CACNA1A: variants seen among roughly 807,000 people sequenced by gnomAD.
The protein encoded by CACNA1A is calcium voltage-gated channel subunit alpha1 A, also known as voltage-dependent P/Q-type calcium channel subunit alpha-1A.
A neutral mutation model predicts 262.4 loss-of-function variants in CACNA1A; 57 were observed. The ratio of observed to expected loss-of-function variants is 0.22; its 90% CI spans 0.18 to 0.27. CACNA1A has a LOEUF of 0.27. Among genes scored for constraint, CACNA1A ranks in the 10% least tolerant of loss-of-function variants. The probability of loss-of-function intolerance (pLI) is 1.00; values close to 1 mark genes in which losing one functional copy is unlikely to be tolerated. For missense variants in CACNA1A, 2,526 were observed against 3,562.8 expected (o/e 0.71, Z 7.41); for synonymous variants, 1,431 against 1,419.3 (o/e 1.01, Z -0.18).
At chr19:13,464,749 C>T (rs377510845) in intron 1 of CACNA1A, among the ~76,000 whole-genome samples, 330 of 151,718 alleles carry the variant, frequency 2.2e-3, no homozygotes, top group Middle Eastern at 0.014. Context: ...GGGGTTTCAC[C>T]GTGTTAGCCA....
chr19:13,207,795 C>T lies in CACNA1A; in HGVS notation c.7039G>A (p.Glu2347Lys), dbSNP rs1050540062. 1.7e-5 allele frequency: 24 copies of T among 1,404,282 alleles called. No individual in the cohort carries two copies. The highest frequency in any genetic ancestry group is 3.0e-5 in the East Asian group (1 of 33,162). 87.0% of individuals were successfully genotyped at this position (1,404,282 alleles called of 1,614,324 possible). ...GGCGGCCGATCTCCGGCCAGAGGCT[C>T]GGCCGTGGGGCCTGGGTACCTCCGA... is the stretch of plus-strand genomic sequence containing the variant. ...GPRRYPGPTA[E>K]PLAGDRPPTG... Residue 2347 changes from glutamate to lysine, a missense_variant, in exon 47 of 47, where the codon GAG (glutamate) becomes AAG (lysine). Physicochemically the swap from Glu to Lys is moderately conservative, Grantham distance 56. Around this residue, in one of 17 missense-constraint regions of CACNA1A, gnomAD observed 929 missense variants for 868.1 expected, o/e 1.07. Transcript: ENST00000360228. The surrounding 1 kb of genome is among the most constrained non-coding windows in gnomAD (Gnocchi z 5.7).
intron 3 of CACNA1A, among the ~76,000 whole-genome samples, chr19:13,434,829 G>A (rs568177252): frequency 5.3e-5 from 8 of 150,422 alleles, no homozygotes; most frequent in Middle Eastern, 6.8e-3. Flanking sequence ...TCACTCTGTC[G>A]CCCAGGCTGG....
intron 3 of CACNA1A, among the ~76,000 whole-genome samples, chr19:13,386,503 C>T (rs2059616719): frequency 6.6e-6 from 1 of 151,822 alleles, no homozygotes; most frequent in South Asian, 2.1e-4. Context: ...CTGAGGCAGT[C>T]ATCGGCCGGG....
chr19:13,234,380 C>CT (rs1190435317), intron 34 of CACNA1A, among the ~76,000 whole-genome samples: 1 of 149,008 alleles, frequency 6.7e-6, no homozygotes, highest in Admixed American at 6.7e-5. Flanking sequence ...AAAAAAGCCC[C>CT]CCCAAAAAAC....
At chr19:13,441,898 G>C (rs890744501) in intron 3 of CACNA1A, among the ~76,000 whole-genome samples, 1 of 152,154 alleles carries the variant, frequency 6.6e-6, no homozygotes, top group East Asian at 1.9e-4. Flanking sequence ...CAAACCTGCG[G>C]AGAGATGGAT....
chr19:13,390,194 G>A (rs761973739), intron 3 of CACNA1A, among the ~76,000 whole-genome samples: 1 of 151,596 alleles, frequency 6.6e-6, no homozygotes, highest in Admixed American at 6.6e-5. Flanking sequence ...ATAGTTCACT[G>A]CAGCCTCAAA....
intron 3 of CACNA1A, among the ~76,000 whole-genome samples, chr19:13,418,753 A>C (rs2060267778): frequency 6.6e-6 from 1 of 152,254 alleles, no homozygotes; most frequent in East Asian, 1.9e-4. Flanking sequence ...CCTTGTTTGA[A>C]GCCGTGTGGT....
chr19:13,438,513 G>C (rs1044594409), intron 3 of CACNA1A, among the ~76,000 whole-genome samples: 1 of 152,378 alleles, frequency 6.6e-6, no homozygotes, highest in Middle Eastern at 3.4e-3. Context: ...GCTGGAGGGT[G>C]AAAGACCATA....
intron 20 of CACNA1A, 25 bp from the exon 21 acceptor site, chr19:13,285,231 G>C (rs761469997): frequency 3.7e-6 from 6 of 1,612,872 alleles, no homozygotes; most frequent in African/African-American, 1.3e-5. Flanking sequence ...ACCAACACAG[G>C]GCTCCCTCCA....
intron 1 of CACNA1A, among the ~76,000 whole-genome samples, chr19:13,488,657 C>T (rs1335996670): frequency 6.6e-6 from 1 of 151,998 alleles, no homozygotes; most frequent in African/African-American, 2.4e-5. Context: ...GCCTTGGCCT[C>T]TTAAAGTGCT....
intron 30 of CACNA1A, among the ~76,000 whole-genome samples, chr19:13,252,081 T>A (rs889572678): frequency 6.6e-6 from 1 of 151,822 alleles, no homozygotes; most frequent in African/African-American, 2.4e-5. Context: ...GTTTGTTTTT[T>A]AAAGATGGAG....
intron 24 of CACNA1A, chr19:13,272,003 T>G (rs2057033772): frequency 6.6e-6 from 1 of 152,254 alleles, no homozygotes; most frequent in East Asian, 1.9e-4. Flanking sequence ...AGGCTGGTCT[T>G]GAACTCCTGA....
chr19:13,413,208 A>T (rs1319567117), intron 3 of CACNA1A, among the ~76,000 whole-genome samples: 2 of 150,442 alleles, frequency 1.3e-5, no homozygotes, highest in East Asian at 2.0e-4. Context: ...CCAGGTTCAC[A>T]CCATTCTCCT....
At chr19:13,384,191 T>C (rs1463227719) in intron 3 of CACNA1A, among the ~76,000 whole-genome samples, 1 of 152,150 alleles carries the variant, frequency 6.6e-6, no homozygotes, top group Admixed American at 6.6e-5. Context: ...GGGGCTTTTT[T>C]TGTATAGCAT....
At chr19:13,372,504 G>A (rs989249016) in intron 3 of CACNA1A, among the ~76,000 whole-genome samples, 1 of 152,154 alleles carries the variant, frequency 6.6e-6, no homozygotes, top group African/African-American at 2.4e-5. Context: ...TGGCAGGAAA[G>A]TAGTTCAGTG....
intron 1 of CACNA1A, among the ~76,000 whole-genome samples, chr19:13,504,359 T>G (rs1045308186): frequency 6.6e-6 from 1 of 152,110 alleles, no homozygotes; most frequent in Admixed American, 6.5e-5. Flanking sequence ...GTTAGAGGTA[T>G]GCTCCCCTCA....
chr19:13,398,505 G>C (rs1008210618), intron 3 of CACNA1A, among the ~76,000 whole-genome samples: 12 of 152,206 alleles, frequency 7.9e-5, no homozygotes, highest in Non-Finnish European at 1.6e-4. Context: ...GAACAGGGCT[G>C]AGCAGGTGGA....
rs373945649 is a variant in CACNA1A, at chr19:13,310,513, T to G, written c.1669-1985A>C. Among the ~76,000 whole-genome samples, 890 of 16,784 alleles carry G rather than the reference T, an allele frequency of 0.053. 189 individuals are homozygous for G. The East Asian group carries it at 0.57, about 11-fold the overall frequency. The allele number at this position is 16,784 out of a possible 152,430, so 11.0% of individuals were successfully genotyped here. On this transcript the variant is annotated intron_variant, in intron 12 of 46. Coordinates refer to ENST00000360228, the MANE Select transcript of CACNA1A (RefSeq NM_001127222.2). ...AAATATATATATATATATATATATA[T>G]GTAGAGAGAGAGAGAGAGTTTAATT...
chr19:13,231,443 T>G (rs1311067930), intron 35 of CACNA1A, among the ~76,000 whole-genome samples: 1 of 150,752 alleles, frequency 6.6e-6, no homozygotes, highest in Non-Finnish European at 1.5e-5. Flanking sequence ...ACGGGTGGCG[T>G]GTGCTGCCAG....
Sources: gnomAD v4.1 joint callset for allele counts (sites outside exome capture counted in the v4.1 genomes callset) on GRCh38, gnomAD v4.1.1 for gene constraint, gnomAD v4.1.1 regional missense constraint, Gnocchi (gnomAD v3.1) non-coding constraint, MANE v1.5 for transcripts, NCBI Gene and HGNC (gene_info 2026-07-23, HGNC 2026-07-21) for gene names.